NXPE3: variants seen among roughly 807,000 people sequenced by gnomAD.
The protein encoded by NXPE3 is neurexophilin and PC-esterase domain family member 3, also known as NXPE family member 3.
In NXPE3, 26 loss-of-function variants were observed where a neutral mutation model predicts 46.1. The observed-to-expected ratio is 0.56, with a 90% CI of 0.41 to 0.78. The LOEUF is 0.78. Among genes scored for constraint, NXPE3 ranks in the 30% least tolerant of loss-of-function variants. NXPE3 has a pLI of 0.00. For missense variants in NXPE3, 620 were observed against 686.0 expected (o/e 0.90, Z 1.07); for synonymous variants, 272 against 257.9 (o/e 1.05, Z -0.52).
intron 3 of NXPE3, among the ~76,000 whole-genome samples, chr3:101,783,707 C>G (rs1403492501): frequency 6.6e-6 from 1 of 152,228 alleles, no homozygotes; most frequent in Non-Finnish European, 1.5e-5. Context: ...TATGGTGCAA[C>G]TAAATTCCTG....
chr3:101,816,709 A>C, intron 6 of NXPE3, 86 bp from the exon 7 acceptor site: 1 of 1,013,518 alleles, frequency 9.9e-7, no homozygotes, highest in South Asian at 1.6e-5. Context: ...GCTAACAAAT[A>C]CATGGGCATA....
chr3:101,814,721 A>G (rs1382869603), intron 6 of NXPE3, among the ~76,000 whole-genome samples: 3 of 152,220 alleles, frequency 2.0e-5, no homozygotes, highest in Non-Finnish European at 4.4e-5. Context: ...AGAAAATGAT[A>G]TAACCTGGTG....
At chr3:101,799,489 C>T (rs571026030) in intron 4 of NXPE3, among the ~76,000 whole-genome samples, 12 of 151,990 alleles carry the variant, frequency 7.9e-5, no homozygotes, top group East Asian at 3.9e-4. Context: ...TGCAGTGGCG[C>T]GATCTTGGCT....
chr3:101,801,461 A>G lies in NXPE3; in HGVS notation c.320A>G (p.Tyr107Cys), dbSNP rs1283443631. ...FVKSTDPSSS[Y>C]FVILNSAAFF... Reference sequence around the variant, plus strand: ...AAGAGCACTGACCCTTCTTCCAGCTACTTTGTCATCTTGAACTCTGCTGCC... The same window carrying G: ...AAGAGCACTGACCCTTCTTCCAGCTGCTTTGTCATCTTGAACTCTGCTGCC... Residue 107 changes from tyrosine to cysteine, a missense_variant, in exon 5 of 8, where the codon TAC becomes TGC. Tyr to Cys is a radical substitution (Grantham distance 194). Coordinates refer to ENST00000273347, the MANE Select transcript of NXPE3 (RefSeq NM_145037.4). 4 of 1,614,114 alleles carry G rather than the reference A, an allele frequency of 2.5e-6. No homozygotes were observed. In the Admixed American group the frequency reaches 5.0e-5, roughly 20 times the overall value.
chr3:101,808,820 T>TAG (rs1378612736), intron 6 of NXPE3, among the ~76,000 whole-genome samples: 11 of 79,822 alleles, frequency 1.4e-4, no homozygotes, highest in African/African-American at 3.9e-4. Context: ...TTTTAGAGGA[T>TAG]ATATATATAT....
chr3:101,795,946 CT>C (rs1940808605), intron 4 of NXPE3, among the ~76,000 whole-genome samples: 1 of 152,186 alleles, frequency 6.6e-6, no homozygotes, highest in Non-Finnish European at 1.5e-5. Context: ...ACATGCCCAC[CT>C]GAAGAAACAG....
chr3:101,812,846 A>G (rs999787261), intron 6 of NXPE3, among the ~76,000 whole-genome samples: 2 of 140,760 alleles, frequency 1.4e-5, no homozygotes, highest in South Asian at 4.9e-4. Flanking sequence ...AAAAAAAGAT[A>G]TTTGGACTAG....
chr3:101,810,829 T>G (rs982392386), intron 6 of NXPE3, among the ~76,000 whole-genome samples: 5 of 152,036 alleles, frequency 3.3e-5, no homozygotes, highest in Non-Finnish European at 7.4e-5. Flanking sequence ...TGTTGTTTTT[T>G]TTTGTTTGTT....
chr3:101,796,140 T>C (rs1940819028), intron 4 of NXPE3, among the ~76,000 whole-genome samples: 1 of 152,170 alleles, frequency 6.6e-6, no homozygotes, highest in Non-Finnish European at 1.5e-5. Context: ...GAACCAGCCG[T>C]TTACCTGGGA....
chr3:101,795,331 C>T (rs1040926217), intron 4 of NXPE3, among the ~76,000 whole-genome samples: 4 of 152,068 alleles, frequency 2.6e-5, no homozygotes, highest in Non-Finnish European at 5.9e-5. Flanking sequence ...CCAGCTTGGC[C>T]GACATGGCGA....
chr3:101,800,139 A>G (rs545902297), intron 4 of NXPE3, among the ~76,000 whole-genome samples: 4 of 152,248 alleles, frequency 2.6e-5, no homozygotes, highest in African/African-American at 9.6e-5. Context: ...GTTTGCTAAG[A>G]TGTAAGGTTA....
intron 6 of NXPE3, among the ~76,000 whole-genome samples, chr3:101,811,101 G>A (rs1368147224): frequency 2.6e-5 from 4 of 152,156 alleles, no homozygotes; most frequent in South Asian, 2.1e-4. Context: ...GATTACATGC[G>A]TGAGCCACGC....
At chr3:101,789,357 A>G (rs1222426269) in intron 4 of NXPE3, among the ~76,000 whole-genome samples, 1 of 152,134 alleles carries the variant, frequency 6.6e-6, no homozygotes, top group Non-Finnish European at 1.5e-5. Context: ...CAGCCTGGGC[A>G]ACATAGTGAG....
chr3:101,806,845 A>G (rs916831650), intron 5 of NXPE3, among the ~76,000 whole-genome samples: 7 of 152,198 alleles, frequency 4.6e-5, no homozygotes, highest in African/African-American at 1.7e-4. Flanking sequence ...TTAAGAATCA[A>G]TTTAATTTCT....
rs941181132 is a variant in NXPE3, at chr3:101,779,317, T to G, written c.-505T>G. 6.6e-6 allele frequency: 1 copy of G among 151,824 alleles called. No individual in the cohort carries two copies. Among genetic ancestry groups the G allele is most frequent in the African/African-American group, 2.4e-5 (1 of 41,266 alleles). 9.4% of individuals were successfully genotyped at this position (151,824 alleles called of 1,614,324 possible). On this transcript the variant is annotated 5_prime_UTR_variant, in exon 1 of 8. Transcript: ENST00000273347. ...CCCCGGAGAGCGAAGGGCGGGCGGG[T>G]CCCGGAGGTGAGTGCTGGATGTGGT...
chr3:101,804,787 A>T (rs1251589069), intron 5 of NXPE3, among the ~76,000 whole-genome samples: 1 of 152,182 alleles, frequency 6.6e-6, no homozygotes, highest in Non-Finnish European at 1.5e-5. Context: ...TTTGTTCTTT[A>T]TCTATAAGGG....
In NXPE3 at chr3:101,824,824, A is replaced by T. The variant is rs1942419102; in HGVS notation, c.*2870A>T. The stretch of plus-strand genomic sequence containing the variant: ...GCTGAGGAGTAATTTTCCCAGGAGA[A>T]TTTTAAAAAGAAAGCGGGCATTGCT... On this transcript the variant is annotated 3_prime_UTR_variant, in exon 8 of 8. Coordinates refer to ENST00000273347, the MANE Select transcript of NXPE3 (RefSeq NM_145037.4). 6.6e-6 allele frequency: 1 copy of T among 152,170 alleles called. No individual in the cohort carries two copies. Among genetic ancestry groups the T allele is most frequent in the Admixed American group, 6.5e-5 (1 of 15,274 alleles). 9.4% of individuals were successfully genotyped at this position (152,170 alleles called of 1,614,324 possible).
rs1941960302 is a variant in NXPE3 at position 101,816,150 on chromosome 3, GT to G, written c.923-644del. On this transcript the variant is annotated intron_variant, in intron 6 of 7. Coordinates refer to ENST00000273347, the MANE Select transcript of NXPE3 (RefSeq NM_145037.4). ...CTGCACTCCAGCCTGGGCAAAAAGA[GT>G]GAGACTCCATCTCAAAAAAAATGTA... Among the ~76,000 whole-genome samples the G allele has an allele frequency of 2.0e-5, 3 of 152,166 alleles. No homozygotes were observed. In the South Asian group the frequency reaches 6.2e-4, roughly 32 times the overall value.
chr3:101,797,833 AT>A (rs1294021910), intron 4 of NXPE3, among the ~76,000 whole-genome samples: 3 of 37,726 alleles, frequency 8.0e-5, no homozygotes. Flanking sequence ...ATTGTTGGAC[AT>A]TTGGGTTGGT....
Sources: gnomAD v4.1 joint callset for allele counts (sites outside exome capture counted in the v4.1 genomes callset) on GRCh38, gnomAD v4.1.1 for gene constraint, MANE v1.5 for transcripts, NCBI Gene and HGNC (gene_info 2026-07-23, HGNC 2026-07-21) for gene names.